GOLM2: variants seen among roughly 807,000 people sequenced by gnomAD.
The protein encoded by GOLM2 is golgi membrane protein 2.
In GOLM2, 26 loss-of-function variants were observed where a neutral mutation model predicts 55.9. That is an observed-to-expected ratio of 0.47 (90% CI 0.34 to 0.65). GOLM2 has a LOEUF of 0.65. Among genes scored for constraint, GOLM2 ranks in the 30% least tolerant of loss-of-function variants. The probability of loss-of-function intolerance (pLI) is 0.01; values close to 1 mark genes in which losing one functional copy is unlikely to be tolerated. For synonymous variants in GOLM2, 165 were observed against 194.6 expected (o/e 0.85, Z 1.27); for missense variants, 486 against 531.8 (o/e 0.91, Z 0.85).
At chr15:44,374,338 A>T (rs753536235) in intron 6 of GOLM2, among the ~76,000 whole-genome samples, 2 of 151,976 alleles carry the variant, frequency 1.3e-5, no homozygotes, top group Non-Finnish European at 2.9e-5. Flanking sequence ...TAGTGGTCGG[A>T]TCTTGCATTG....
intron 8 of GOLM2, among the ~76,000 whole-genome samples, chr15:44,382,570 G>A (rs796617208): frequency 2.0e-5 from 3 of 151,768 alleles, no homozygotes; most frequent in Admixed American, 6.6e-5. Flanking sequence ...CAGGTGATCC[G>A]CCCGCCTCGG....
intron 8 of GOLM2, among the ~76,000 whole-genome samples, chr15:44,397,787 G>T (rs893245554): frequency 6.6e-6 from 1 of 151,856 alleles, no homozygotes; most frequent in East Asian, 1.9e-4. Flanking sequence ...TTTTCATCTG[G>T]ATGTCATACT....
chr15:44,347,160 G>C (rs1464730236), intron 6 of GOLM2, among the ~76,000 whole-genome samples: 1 of 152,042 alleles, frequency 6.6e-6, no homozygotes, highest in African/African-American at 2.4e-5. Flanking sequence ...AGAGGAGGCA[G>C]AGTGAGATAA....
chr15:44,290,812 G>A (rs879310059), intron 1 of GOLM2, among the ~76,000 whole-genome samples: 1 of 151,996 alleles, frequency 6.6e-6, no homozygotes, highest in African/African-American at 2.4e-5. Context: ...TGTTGTTGTT[G>A]TTTTTTGAGA....
At chr15:44,303,978 AC>A (rs2078817849) in intron 1 of GOLM2, among the ~76,000 whole-genome samples, 1 of 150,886 alleles carries the variant, frequency 6.6e-6, no homozygotes, top group Admixed American at 6.6e-5. Flanking sequence ...GATCCGCCTG[AC>A]TCGGCCTTCC....
At position 44,289,573 on chromosome 15, in the gene GOLM2, G is replaced by C. The variant is rs1270878190; in HGVS notation, c.327+217G>C. On this transcript the variant is annotated intron_variant, in intron 1 of 9. Coordinates refer to ENST00000299957, the MANE Select transcript of GOLM2 (RefSeq NM_138423.4). The surrounding 1 kb of genome is among the most constrained non-coding windows in gnomAD (Gnocchi z 4.8). The stretch of plus-strand genomic sequence containing the variant: ...CAGAAAAAAATGACTGTAAATTCTG[G>C]TTCTCAAGAGTGGACTGTGTGCAGA... Among the ~76,000 whole-genome samples, 1 of 152,176 alleles carries C rather than the reference G, an allele frequency of 6.6e-6. No homozygotes were observed. The highest frequency in any genetic ancestry group is 1.5e-5 in the Non-Finnish European group (1 of 68,032).
At position 44,301,628 on chromosome 15, in the gene GOLM2, A is replaced by G. The variant is rs35849987; in HGVS notation, c.327+12272A>G. 3.8e-3 allele frequency among the ~76,000 whole-genome samples: 573 copies of G among 152,280 alleles called. 4 individuals are homozygous for G. Among genetic ancestry groups the G allele is most frequent in the Admixed American group, 6.2e-3 (94 of 15,276 alleles). On this transcript the variant is annotated intron_variant, in intron 1 of 9. Coordinates refer to ENST00000299957, the MANE Select transcript of GOLM2 (RefSeq NM_138423.4). ...CTTGAGAGTTTTAGTTGAGTCCTAA[A>G]AAAAAGATCAGGATTTAATGAGGCA...
intron 6 of GOLM2, among the ~76,000 whole-genome samples, chr15:44,347,797 C>A (rs2079135319): frequency 6.6e-6 from 1 of 152,144 alleles, no homozygotes; most frequent in Admixed American, 6.5e-5. Flanking sequence ...ACAAAAGAGA[C>A]CCCTTCCTTC....
chr15:44,361,017 C>G (rs1490829812), intron 6 of GOLM2, among the ~76,000 whole-genome samples: 1 of 150,280 alleles, frequency 6.7e-6, no homozygotes, highest in Non-Finnish European at 1.5e-5. Context: ...AGAACAAAGA[C>G]ACAACATACC....
intron 8 of GOLM2, among the ~76,000 whole-genome samples, chr15:44,385,938 G>T (rs1229467982): frequency 1.3e-5 from 2 of 152,188 alleles, no homozygotes; most frequent in African/African-American, 4.8e-5. Context: ...CTGGTTACTA[G>T]ACCCTAATCA....
intron 1 of GOLM2, among the ~76,000 whole-genome samples, chr15:44,313,730 T>C (rs1177181586): frequency 6.6e-6 from 1 of 152,216 alleles, no homozygotes; most frequent in Non-Finnish European, 1.5e-5. Flanking sequence ...TTTGTGATTC[T>C]TCTTAACAGA....
intron 1 of GOLM2, among the ~76,000 whole-genome samples, chr15:44,311,696 C>G (rs928090918): frequency 3.3e-5 from 5 of 152,148 alleles, no homozygotes; most frequent in African/African-American, 1.2e-4. Context: ...GTCACCCAGG[C>G]TGGAGTGCAA....
intron 8 of GOLM2, chr15:44,402,574 A>G: frequency 4.1e-6 from 1 of 245,156 alleles, no homozygotes; most frequent in Non-Finnish European, 8.0e-6. Flanking sequence ...TCATACTTAT[A>G]TTAGAGAAGT....
intron 6 of GOLM2, among the ~76,000 whole-genome samples, chr15:44,367,933 TCAATTTGAC>T: frequency 6.6e-6 from 1 of 152,186 alleles, no homozygotes; most frequent in African/African-American, 2.4e-5. Context: ...TTAATTGTTA[TCAATTTGAC>T]CAAGATATGC....
At chr15:44,404,518 AT>A in intron 9 of GOLM2, among the ~76,000 whole-genome samples, 1 of 152,208 alleles carries the variant, frequency 6.6e-6, no homozygotes, top group East Asian at 1.9e-4. Flanking sequence ...ACCTTACAAT[AT>A]TATGTACTTT....
Position 44,338,308 on chromosome 15 carries a change from C to A in GOLM2, c.793C>A (p.Leu265Ile). Reference protein sequence around the residue: ...EENDLAKVDDLPPALRKPPIS... With the variant: ...EENDLAKVDDIPPALRKPPIS... ...GAATGACCTAGCAAAAGTTGATGAT[C>A]TTCCCCCTGGTAAGTAAAAATTGTT... Residue 265 changes from leucine (L) to isoleucine (I), a missense_variant, in exon 6 of 10, where the codon CTT becomes ATT. By Grantham distance (5) the Leu-to-Ile change is conservative (BLOSUM62 2). Transcript: ENST00000299957. The A allele has an allele frequency of 6.2e-7, 1 of 1,612,202 alleles. No individual in the cohort carries two copies.
intron 1 of GOLM2, among the ~76,000 whole-genome samples, chr15:44,296,307 C>T (rs990303353): frequency 7.9e-5 from 12 of 152,090 alleles, no homozygotes; most frequent in Non-Finnish European, 1.6e-4. Flanking sequence ...ATAAAAGGAG[C>T]TGTTAGAATG....
intron 6 of GOLM2, among the ~76,000 whole-genome samples, chr15:44,345,664 T>C (rs558542742): frequency 1.6e-4 from 24 of 152,242 alleles, no homozygotes; most frequent in African/African-American, 5.3e-4. Context: ...TCTTGGAAAC[T>C]CTTTTTTAGC....
rs770054035 is a variant in GOLM2 at position 44,338,318 on chromosome 15, G to C, written c.802+1G>C. 2 of 1,610,396 alleles carry C rather than the reference G, an allele frequency of 1.2e-6. No homozygotes were observed. The highest frequency in any genetic ancestry group is 1.7e-6 in the Non-Finnish European group (2 of 1,177,078). On this transcript the variant is annotated splice_donor_variant, in intron 6 of 9. Coordinates refer to ENST00000299957, the MANE Select transcript of GOLM2 (RefSeq NM_138423.4). LOFTEE classifies it high-confidence loss of function. ...GCAAAAGTTGATGATCTTCCCCCTG[G>C]TAAGTAAAAATTGTTAGAGAATTCG...
Sources: gnomAD v4.1 joint callset for allele counts (sites outside exome capture counted in the v4.1 genomes callset) on GRCh38, gnomAD v4.1.1 for gene constraint, Gnocchi (gnomAD v3.1) non-coding constraint, MANE v1.5 for transcripts, NCBI Gene and HGNC (gene_info 2026-07-23, HGNC 2026-07-21) for gene names.